DDRGK1: variants seen among roughly 807,000 people sequenced by gnomAD.
DDRGK1 encodes the protein DDRGK domain containing 1, also known as DDRGK domain-containing protein 1.
Under a neutral mutation model 45.8 loss-of-function variants are expected in DDRGK1, and 38 were observed. The observed-to-expected ratio is 0.83, with a 90% CI of 0.64 to 1.09. The LOEUF (loss-of-function observed/expected upper bound fraction) is 1.09, where lower values mean the gene tolerates loss of function less well. DDRGK1 is among the 50% of genes least tolerant of loss of function. DDRGK1 has a pLI of 0.00. For synonymous variants in DDRGK1, 171 were observed against 168.7 expected (o/e 1.01, Z -0.11); for missense variants, 403 against 419.9 (o/e 0.96, Z 0.35).
At chr20:3,202,340 TTC>T (rs1032553560) in intron 2 of DDRGK1, among the ~76,000 whole-genome samples, 52 of 152,182 alleles carry the variant, frequency 3.4e-4, no homozygotes, top group African/African-American at 1.1e-3. Flanking sequence ...GTTCTCTGGC[TTC>T]TGTCTCTGGT....
At chr20:3,200,306 C>A in intron 3 of DDRGK1, 36 bp downstream of exon 3, 1 of 1,548,032 alleles carries the variant, frequency 6.5e-7, no homozygotes, top group Non-Finnish European at 8.7e-7. Context: ...TGCCCTTTCG[C>A]ACTTCCCAGA....
rs781446482 is a variant in DDRGK1 at position 3,191,196 on chromosome 20, T to C, written c.772A>G (p.Ile258Val). 15 of 1,614,088 alleles carry C rather than the reference T, an allele frequency of 9.3e-6. No individual in the cohort carries two copies. The highest frequency in any genetic ancestry group is 1.6e-4 in the Middle Eastern group (1 of 6,084). The stretch of plus-strand genomic sequence containing the variant: ...TTGGCTCTCATCATCTCACCTGTTA[T>C]AGTCCCCTCAGCCAGCAGGTCCTGG... ...RIQDLLAEGT[I>V]TGVIDDRGKF... Residue 258 changes from isoleucine to valine, a missense_variant, in exon 8 of 9, where the codon ATA (isoleucine) becomes GTA (valine). Transcript: ENST00000354488.
chr20:3,197,161 T>G (rs1423439509), intron 4 of DDRGK1, among the ~76,000 whole-genome samples: 1 of 146,362 alleles, frequency 6.8e-6, no homozygotes, highest in East Asian at 2.0e-4. Context: ...AAGCGGAGGT[T>G]GCAGTGAGCC....
intron 2 of DDRGK1, 92 bp downstream of exon 2, chr20:3,203,121 C>T: frequency 1.6e-6 from 2 of 1,254,908 alleles, no homozygotes; most frequent in South Asian, 1.6e-5. Flanking sequence ...TACCCTGAGG[C>T]TTCATACCCT....
chr20:3,197,440 G>A (rs1354076427), intron 4 of DDRGK1, among the ~76,000 whole-genome samples: 3 of 152,116 alleles, frequency 2.0e-5, no homozygotes, highest in Admixed American at 6.6e-5. Flanking sequence ...AAACAAAACC[G>A]CAGCCAGGCG....
intron 2 of DDRGK1, among the ~76,000 whole-genome samples, chr20:3,201,141 G>A (rs921296449): frequency 7.9e-5 from 12 of 151,368 alleles, no homozygotes; most frequent in East Asian, 3.9e-4. Context: ...ATAATTAGCC[G>A]GGCATGGTGG....
At chr20:3,196,413 C>T (rs1241234656) in intron 4 of DDRGK1, among the ~76,000 whole-genome samples, 3 of 152,016 alleles carry the variant, frequency 2.0e-5, no homozygotes, top group Non-Finnish European at 4.4e-5. Context: ...CGTGGTGGCT[C>T]ACGCCTGTAA....
intron 4 of DDRGK1, 109 bp downstream of exon 4, chr20:3,199,892 G>A (rs2067028069): frequency 2.0e-6 from 2 of 1,011,272 alleles, no homozygotes; most frequent in Non-Finnish European, 2.8e-6. Context: ...CTGCCCTTGT[G>A]CCAGGTCTAT....
intron 3 of DDRGK1, 41 bp downstream of exon 3, chr20:3,200,300 CT>C: frequency 1.3e-6 from 2 of 1,542,274 alleles, no homozygotes; most frequent in Non-Finnish European, 1.8e-6. Flanking sequence ...AGGCAGTGCC[CT>C]TTCGCACTTC....
At chr20:3,201,652 G>A (rs1239689955) in intron 2 of DDRGK1, among the ~76,000 whole-genome samples, 1 of 149,878 alleles carries the variant, frequency 6.7e-6, no homozygotes, top group Non-Finnish European at 1.5e-5. Context: ...AGAGAGGGTT[G>A]TTTTTTTTGG....
intron 7 of DDRGK1, 161 bp from the exon 8 acceptor site, chr20:3,191,399 G>C (rs2066988783): frequency 1.3e-6 from 1 of 785,326 alleles, no homozygotes; most frequent in Non-Finnish European, 2.1e-6. Flanking sequence ...GGGTAGAAGG[G>C]GCTCTGGTCC....
At chr20:3,199,660 C>A (rs1248260458) in intron 4 of DDRGK1, among the ~76,000 whole-genome samples, 5 of 152,202 alleles carry the variant, frequency 3.3e-5, no homozygotes, top group African/African-American at 1.2e-4. Flanking sequence ...AATGATCTTC[C>A]TCAGCCTCAA....
chr20:3,199,151 T>A (rs2067025017), intron 4 of DDRGK1, among the ~76,000 whole-genome samples: 1 of 152,072 alleles, frequency 6.6e-6, no homozygotes, highest in Non-Finnish European at 1.5e-5. Context: ...CAAGACCCTG[T>A]CTTAATCAAT....
rs1025871092 is a variant in DDRGK1 at position 3,199,902 on chromosome 20, T to C, written c.510+99A>G. ...AGGACCTGCCCTTGTGCCAGGTCTA[T>C]GGCCCACCTTCTAGGTTGGAGGTGC... On this transcript the variant is annotated intron_variant, in intron 4 of 8. Coordinates refer to ENST00000354488, the MANE Select transcript of DDRGK1 (RefSeq NM_023935.3). 4.4e-6 allele frequency: 5 copies of C among 1,136,062 alleles called. No individual in the cohort carries two copies. In the African/African-American group the frequency reaches 7.9e-5, roughly 18 times the overall value. 70.4% of individuals were successfully genotyped at this position (1,136,062 alleles called of 1,614,324 possible).
chr20:3,204,608 T>C lies in DDRGK1; in HGVS notation c.20A>G (p.Tyr7Cys), dbSNP rs1165010230. 1 of 1,590,174 alleles carries C rather than the reference T, an allele frequency of 6.3e-7. No individual in the cohort carries two copies. Among genetic ancestry groups the C allele is most frequent in the African/African-American group, 1.3e-5 (1 of 74,690 alleles). Residue 7 changes from tyrosine to cysteine, a missense_variant, in exon 1 of 9, where the codon TAC (tyrosine) becomes TGC (cysteine). Tyr to Cys is a radical substitution (Grantham distance 194). Transcript: ENST00000354488. Reference protein sequence around the residue: MVAPVWYLVAAALLVGF... With the variant: MVAPVWCLVAAALLVGF... The stretch of plus-strand genomic sequence containing the variant: ...GACTAGCAGAGCCGCCGCTACCAAG[T>C]ACCACACAGGCGCCACCATGACGAG...
At chr20:3,204,173 T>C (rs577159840) in intron 1 of DDRGK1, among the ~76,000 whole-genome samples, 4 of 152,238 alleles carry the variant, frequency 2.6e-5, no homozygotes, top group African/African-American at 9.6e-5. Context: ...GGAGCCAGGC[T>C]GGGAGGAATG....
At position 3,203,285 on chromosome 20, in the gene DDRGK1, G is replaced by C; in HGVS notation, c.223C>G (p.Gln75Glu). The C allele has an allele frequency of 6.2e-7, 1 of 1,607,770 alleles. No individual in the cohort carries two copies. Among genetic ancestry groups the C allele is most frequent in the Non-Finnish European group, 8.5e-7 (1 of 1,176,666 alleles). Residue 75 changes from glutamine to glutamate, a missense_variant, in exon 2 of 9, where the codon CAG (glutamine) becomes GAG (glutamate). Gln to Glu is a conservative substitution (Grantham distance 29, BLOSUM62 2). Transcript: ENST00000354488. ...ACCCGCTGGGCTCGACGCTGGGCCT[G>C]TAGGCGGCTGCCCAGGTCCCTCCGG... is the stretch of plus-strand genomic sequence containing the variant. Reference protein sequence around the residue: ...RRRRDLGSRLQAQRRAQRVAW... With the variant: ...RRRRDLGSRLEAQRRAQRVAW...
intron 1 of DDRGK1, among the ~76,000 whole-genome samples, 183 bp downstream of exon 1, chr20:3,204,354 G>A (rs1024618318): frequency 1.3e-5 from 2 of 152,164 alleles, no homozygotes; most frequent in African/African-American, 2.4e-5. Flanking sequence ...GGGTAGCGGC[G>A]CGGCCACCGA....
rs190574404 is a variant in DDRGK1 at position 3,200,086 on chromosome 20, C to A, written c.425G>T (p.Arg142Leu). ...GGACTCGAGTCGTTTCCGCTCCTCA[C>A]GTTCAGCCTCCTCTGCCTGGAGAGA... ...KAQREAEEAE[R>L]EERKRLESQR... The change falls in exon 4 of 9, where the codon CGT becomes CTT. Residue 142 changes from arginine to leucine, a missense_variant. Physicochemically the swap from Arg to Leu is moderately radical, Grantham distance 102. Transcript: ENST00000354488. 1.2e-6 allele frequency: 2 copies of A among 1,613,786 alleles called. No homozygotes were observed.
Sources: gnomAD v4.1 joint callset for allele counts (sites outside exome capture counted in the v4.1 genomes callset) on GRCh38, gnomAD v4.1.1 for gene constraint, MANE v1.5 for transcripts, NCBI Gene and HGNC (gene_info 2026-07-23, HGNC 2026-07-21) for gene names.